CSNK1G2: variants seen among roughly 807,000 people sequenced by gnomAD.
The protein encoded by CSNK1G2 is casein kinase 1 gamma 2, also known as casein kinase I isoform gamma-2.
CSNK1G2 carries 11 observed loss-of-function variants against 48.0 expected under a neutral mutation model. The ratio of observed to expected loss-of-function variants is 0.23; its 90% confidence interval spans 0.14 to 0.38. The LOEUF (loss-of-function observed/expected upper bound fraction) is 0.38. Ranked by LOEUF, CSNK1G2 falls within the 10% of genes least tolerant of loss-of-function variation. The pLI is 1.00. For missense variants in CSNK1G2, 446 were observed against 595.5 expected, an observed-to-expected ratio of 0.75 and a Z score of 2.61; for synonymous variants, 337 against 254.1, an observed-to-expected ratio of 1.33 and a Z score of -3.10.
At chr19:1,944,141 T>G (rs1327385636) in intron 1 of CSNK1G2, among the ~76,000 whole-genome samples, 1 of 152,074 alleles carries the variant, frequency 6.6e-6, no homozygotes, top group Admixed American at 6.5e-5. Flanking sequence ...CAGCTAGGGC[T>G]CGGTGGCCGT....
intron 2 of CSNK1G2, among the ~76,000 whole-genome samples, chr19:1,974,940 C>G (rs1252745459): frequency 6.6e-6 from 1 of 152,214 alleles, no homozygotes; most frequent in Non-Finnish European, 1.5e-5. Flanking sequence ...ATCGCGAGTA[C>G]TGCCGGAGGA....
intron 1 of CSNK1G2, among the ~76,000 whole-genome samples, chr19:1,948,432 A>G (rs2014644145): frequency 6.8e-6 from 1 of 146,814 alleles, no homozygotes; most frequent in African/African-American, 2.5e-5. Context: ...CTGAGGGAGG[A>G]GAATGGCATG....
chr19:1,979,424 C>CCCCCGGGGGGG, intron 8 of CSNK1G2, 21 bp downstream of exon 8: 1 of 1,538,532 alleles, frequency 6.5e-7, no homozygotes, highest in Non-Finnish European at 8.8e-7. Context: ...CCTGCGCCCC[C>CCCCCGGGGGGG]GCCCTGTGCC....
intron 1 of CSNK1G2, among the ~76,000 whole-genome samples, chr19:1,946,338 C>T (rs895759181): frequency 6.0e-5 from 9 of 150,558 alleles, no homozygotes; most frequent in African/African-American, 1.5e-4. Flanking sequence ...GTTGCCCAGG[C>T]TGGAGTGCAG....
chr19:1,959,417 CACCT>C (rs918503659), intron 1 of CSNK1G2: 4 of 152,872 alleles, frequency 2.6e-5, no homozygotes, highest in Non-Finnish European at 4.4e-5. Flanking sequence ...CCTGCCCGGA[CACCT>C]GCCTGCGCAG....
chr19:1,976,240 T>A, intron 2 of CSNK1G2: 1 of 601,994 alleles, frequency 1.7e-6, no homozygotes, highest in Non-Finnish European at 2.6e-6. Context: ...CCATTTGTTC[T>A]GAAAACGCGG....
intron 1 of CSNK1G2, among the ~76,000 whole-genome samples, chr19:1,968,458 G>C (rs925650570): frequency 6.6e-5 from 10 of 152,176 alleles, no homozygotes; most frequent in Admixed American, 3.3e-4. Flanking sequence ...CATGCCAGCC[G>C]GGGCTGGCTG....
intron 1 of CSNK1G2, among the ~76,000 whole-genome samples, chr19:1,949,448 T>C (rs2014684652): frequency 6.6e-6 from 1 of 152,222 alleles, no homozygotes; most frequent in Admixed American, 6.5e-5. Context: ...ACACCCTCGG[T>C]GCATCCGCGC....
chr19:1,974,921 T>C (rs1393417924), intron 2 of CSNK1G2, among the ~76,000 whole-genome samples: 1 of 152,200 alleles, frequency 6.6e-6, no homozygotes, highest in Non-Finnish European at 1.5e-5. Flanking sequence ...TCTCCTGCCC[T>C]CTGCATGCAT....
chr19:1,955,097 G>A (rs555105780), intron 1 of CSNK1G2, among the ~76,000 whole-genome samples: 6 of 152,290 alleles, frequency 3.9e-5, no homozygotes, highest in South Asian at 2.1e-4. Flanking sequence ...AGAAGAGGCC[G>A]GGCTCTTCCT....
rs1005470348 is a variant in CSNK1G2, at chr19:1,968,427, G to T, written c.-265-1081G>T. ...GGGGACCGTCCTGCCTCCCGTCGGGGCCTGCGCTGAGACTGGGCTCCATGC... is the reference window on the plus strand; with the variant it reads ...GGGGACCGTCCTGCCTCCCGTCGGGTCCTGCGCTGAGACTGGGCTCCATGC... On this transcript the variant is annotated intron_variant, in intron 1 of 11. Coordinates refer to ENST00000255641, the MANE Select transcript of CSNK1G2 (RefSeq NM_001319.7). 3.9e-5 allele frequency among the ~76,000 whole-genome samples: 6 copies of T among 152,216 alleles called. No individual in the cohort carries two copies. In the South Asian group the frequency reaches 1.2e-3, roughly 32 times the overall value.
At chr19:1,972,840 T>G (rs1365554866) in intron 2 of CSNK1G2, among the ~76,000 whole-genome samples, 3 of 151,986 alleles carry the variant, frequency 2.0e-5, no homozygotes, top group Non-Finnish European at 4.4e-5. Flanking sequence ...GCCAGGCTGG[T>G]CTTGAACTCC....
At chr19:1,950,422 A>G (rs1311580156) in intron 1 of CSNK1G2, among the ~76,000 whole-genome samples, 1 of 147,200 alleles carries the variant, frequency 6.8e-6, no homozygotes, top group Non-Finnish European at 1.5e-5. Flanking sequence ...TACAGGCGTG[A>G]GCCACCGCGC....
rs1013294677 is a variant in CSNK1G2, at chr19:1,979,783, T to C, written c.1034T>C (p.Leu345Pro). The C allele has an allele frequency of 2.5e-6, 4 of 1,607,248 alleles. No individual in the cohort carries two copies. Among genetic ancestry groups the C allele is most frequent in the Non-Finnish European group, 3.4e-6 (4 of 1,179,016 alleles). ...CCCATCGGCACCGTCCACACCGACC[T>C]GCCCTCCCAGCCTCAGCTCCGGGAC... ...PTPIGTVHTD[L>P]PSQPQLRDKT... Residue 345 changes from leucine (L) to proline (P), a missense_variant, in exon 10 of 12, where the codon CTG (leucine) becomes CCG (proline). Physicochemically the swap from Leu to Pro is moderately conservative, Grantham distance 98 (BLOSUM62 -3). This residue lies in a region of CSNK1G2 where 188 missense variants were observed against 179.6 expected (regional missense o/e 1.05). Transcript: ENST00000255641.
chr19:1,948,532 A>G (rs1431498497), intron 1 of CSNK1G2, among the ~76,000 whole-genome samples: 1 of 120,858 alleles, frequency 8.3e-6, no homozygotes, highest in Non-Finnish European at 1.8e-5. Flanking sequence ...AAAAAAAAAA[A>G]AAAAAAACGC....
chr19:1,960,896 A>G (rs1797206200), intron 1 of CSNK1G2, among the ~76,000 whole-genome samples: 1 of 152,164 alleles, frequency 6.6e-6, no homozygotes, highest in Non-Finnish European at 1.5e-5. Flanking sequence ...CTCAAAACAA[A>G]ACAAAATGCA....
Position 1,979,566 on chromosome 19 carries a change from C to T in CSNK1G2, c.925C>T (p.Arg309Trp). 6.2e-7 allele frequency: 1 copy of T among 1,608,958 alleles called. No individual in the cohort carries two copies. Among genetic ancestry groups the T allele is most frequent in the Non-Finnish European group, 8.5e-7 (1 of 1,179,838 alleles). Residue 309 changes from arginine (R) to tryptophan (W), a missense_variant, in exon 9 of 12, where the codon CGG becomes TGG. Arg to Trp is a moderately radical substitution (Grantham distance 101). Transcript: ENST00000255641. ...FFEKPDYDYL[R>W]KLFTDLFDRS... Reference sequence around the variant, plus strand: ...CGAGAAGCCCGACTATGACTACCTGCGGAAGCTCTTCACCGACCTCTTCGA... The same window carrying T: ...CGAGAAGCCCGACTATGACTACCTGTGGAAGCTCTTCACCGACCTCTTCGA...
chr19:1,952,476 C>T (rs148369923), intron 1 of CSNK1G2: 1 of 152,518 alleles, frequency 6.6e-6, no homozygotes, highest in African/African-American at 2.4e-5. Flanking sequence ...GCGTCCGCCA[C>T]CATGCCCGGA....
intron 1 of CSNK1G2, among the ~76,000 whole-genome samples, chr19:1,961,995 T>A (rs578074174): frequency 6.6e-6 from 1 of 152,150 alleles, no homozygotes; most frequent in South Asian, 2.1e-4. Context: ...AAAACTCGCA[T>A]CCAAAAATAA....
Sources: allele counts gnomAD v4.1 joint callset (sites outside exome capture counted in the v4.1 genomes callset), GRCh38; gene constraint gnomAD v4.1.1; regional missense constraint gnomAD v4.1.1; transcripts MANE v1.5; gene names NCBI Gene and HGNC (gene_info 2026-07-23, HGNC 2026-07-21).